The following FMN2 variants were observed in gnomAD, a reference collection of about 807,000 sequenced individuals.
FMN2 encodes the protein formin-2.
FMN2 carries 51 observed loss-of-function variants against 142.3 expected under a neutral mutation model. The ratio of observed to expected loss-of-function variants is 0.36; its 90% CI spans 0.29 to 0.45. The LOEUF is 0.45. Among genes scored for constraint, FMN2 ranks in the 20% least tolerant of loss-of-function variants. FMN2 has a pLI of 1.00. For synonymous variants in FMN2, 882 were observed against 869.8 expected, an observed-to-expected ratio of 1.01 and a Z score of -0.25; for missense variants, 1,936 against 2,122.8, an observed-to-expected ratio of 0.91 and a Z score of 1.73.
At position 240,123,364 on chromosome 1, in the gene FMN2, T is replaced by C. The variant is rs778707218; in HGVS notation, c.1782+19T>C. 6.2e-7 allele frequency: 1 copy of C among 1,606,072 alleles called. No individual in the cohort carries two copies. Among genetic ancestry groups the C allele is most frequent in the Non-Finnish European group, 8.5e-7 (1 of 1,175,060 alleles). ...GTTTGATGTAAGTAGGAGAATTCACTTCTGTCCGTGAGGCAGATTTGCTGT... is the reference window on the plus strand; with the variant it reads ...GTTTGATGTAAGTAGGAGAATTCACCTCTGTCCGTGAGGCAGATTTGCTGT... On this transcript the variant is annotated intron_variant, in intron 2 of 17. Coordinates refer to ENST00000319653, the MANE Select transcript of FMN2 (RefSeq NM_020066.5).
intron 7 of FMN2, among the ~76,000 whole-genome samples, chr1:240,267,067 T>C (rs1402697199): frequency 6.6e-6 from 1 of 151,998 alleles, no homozygotes; most frequent in Admixed American, 6.6e-5. Context: ...TCCTCAAAAG[T>C]AATTGCAGCA....
At chr1:240,306,834 C>T (rs1261140427) in intron 8 of FMN2, among the ~76,000 whole-genome samples, 1 of 152,198 alleles carries the variant, frequency 6.6e-6, no homozygotes, top group African/African-American at 2.4e-5. Flanking sequence ...AACTGCTGTC[C>T]ACAGTGGCTG....
chr1:240,097,719 A>G (rs1661262088), intron 1 of FMN2, among the ~76,000 whole-genome samples: 1 of 152,128 alleles, frequency 6.6e-6, no homozygotes, highest in Non-Finnish European at 1.5e-5. Flanking sequence ...TTTCTGATCA[A>G]TTTGCAATTG....
intron 4 of FMN2, among the ~76,000 whole-genome samples, chr1:240,197,462 G>C (rs982978282): frequency 3.1e-4 from 47 of 152,268 alleles, no homozygotes; most frequent in Admixed American, 2.6e-3. Context: ...GAAGTTCCTA[G>C]AGGCCTGGAC....
chr1:240,130,451 T>C (rs1214970649), intron 2 of FMN2, among the ~76,000 whole-genome samples: 2 of 152,170 alleles, frequency 1.3e-5, no homozygotes, highest in Non-Finnish European at 2.9e-5. Flanking sequence ...TACAGGTGGA[T>C]GCTACCACGC....
intron 16 of FMN2, among the ~76,000 whole-genome samples, chr1:240,466,649 C>T (rs1676627973): frequency 6.6e-6 from 1 of 152,152 alleles, no homozygotes; most frequent in Non-Finnish European, 1.5e-5. Flanking sequence ...ACTTTTTTTA[C>T]CTTGATAAGC....
chr1:240,113,577 A>AG (rs1329435002), intron 1 of FMN2, among the ~76,000 whole-genome samples: 6 of 151,354 alleles, frequency 4.0e-5, no homozygotes, highest in Non-Finnish European at 7.4e-5. Flanking sequence ...AAAAAAAAAA[A>AG]AATAAGGTTG....
chr1:240,219,650 A>ATTTT (rs1558374533), intron 6 of FMN2, among the ~76,000 whole-genome samples: 1 of 151,980 alleles, frequency 6.6e-6, no homozygotes, highest in African/African-American at 2.4e-5. Flanking sequence ...AGGTTTTAAA[A>ATTTT]TTTTTTGTAT....
intron 2 of FMN2, among the ~76,000 whole-genome samples, chr1:240,146,637 G>A (rs1245367526): frequency 1.3e-5 from 2 of 152,072 alleles, no homozygotes; most frequent in African/African-American, 2.4e-5. Context: ...CCAGGAGGTG[G>A]ATGTTGCAGT....
chr1:240,228,026 G>C (rs1163758823), intron 6 of FMN2, among the ~76,000 whole-genome samples: 2 of 151,938 alleles, frequency 1.3e-5, no homozygotes, highest in Non-Finnish European at 2.9e-5. Context: ...GGGCAAGGCC[G>C]AGCGCAGTGA....
rs1455122225 is a variant in FMN2 at position 240,207,125 on chromosome 1, T to C, written c.2313T>C (p.Pro771=). The change falls in exon 5 of 18, where the codon CCT becomes CCC. Residue 771 remains proline, a synonymous_variant. Coordinates refer to ENST00000319653, the MANE Select transcript of FMN2 (RefSeq NM_020066.5). The part of the protein sequence containing the change: ...DGLPGRPPCP[P]GAESGPQTKF... The stretch of plus-strand genomic sequence containing the variant: ...TGCCAGGGCGTCCTCCATGCCCCCC[T>C]GGGGCTGAAAGTGGACCTCAGACAA... The C allele has an allele frequency of 5.6e-6, 9 of 1,614,102 alleles. No individual in the cohort carries two copies. Among genetic ancestry groups the C allele is most frequent in the Non-Finnish European group, 6.8e-6 (8 of 1,179,978 alleles).
intron 16 of FMN2, among the ~76,000 whole-genome samples, chr1:240,447,625 G>A (rs1450620947): frequency 6.6e-6 from 1 of 152,170 alleles, no homozygotes; most frequent in Non-Finnish European, 1.5e-5. Context: ...TATTTTTATG[G>A]CAAAAACTGC....
chr1:240,249,455 A>G (rs1390925423), intron 6 of FMN2, among the ~76,000 whole-genome samples: 2 of 151,870 alleles, frequency 1.3e-5, no homozygotes, highest in African/African-American at 2.4e-5. Context: ...CCATTGGTCT[A>G]TGTGTTTGTT....
chr1:240,188,057 A>G (rs1422846801), intron 3 of FMN2, 150 bp from the exon 4 acceptor site: 3 of 681,012 alleles, frequency 4.4e-6, no homozygotes, highest in Non-Finnish European at 7.4e-6. Context: ...GTCATATCCT[A>G]ATAACCCAGT....
intron 6 of FMN2, among the ~76,000 whole-genome samples, chr1:240,219,798 G>A (rs540554330): frequency 6.6e-6 from 1 of 152,070 alleles, no homozygotes; most frequent in East Asian, 1.9e-4. Context: ...GGGACTCTAG[G>A]TGTGGGCCAC....
intron 6 of FMN2, among the ~76,000 whole-genome samples, chr1:240,228,884 A>G (rs1014390347): frequency 6.6e-6 from 1 of 152,148 alleles, no homozygotes; most frequent in Admixed American, 6.5e-5. Context: ...CATTAATCTC[A>G]GAAGGAGAAA....
chr1:240,418,701 T>A (rs1674665125), intron 15 of FMN2, among the ~76,000 whole-genome samples: 1 of 152,094 alleles, frequency 6.6e-6, no homozygotes, highest in Non-Finnish European at 1.5e-5. Flanking sequence ...GTATACACAG[T>A]GTTCCAGTGT....
rs1245218890 is a variant in FMN2, at chr1:240,159,961, GTA to G, written c.1783-17947_1783-17946del. Among the ~76,000 whole-genome samples the G allele has an allele frequency of 2.0e-3, 254 of 127,646 alleles. 4 individuals are homozygous for G. In the South Asian group the frequency reaches 0.032, roughly 16 times the overall value. The allele number at this position is 127,646 out of a possible 152,430, so 83.7% of individuals were successfully genotyped here. A position where few individuals can be genotyped will look rare whatever the true frequency, so the allele number is the denominator to read the frequency against. On this transcript the variant is annotated intron_variant, in intron 2 of 17. Transcript: ENST00000319653. ...TGTATATATATATATCTATATCTGT[GTA>G]TATATATATATACACACACACACAC...
intron 4 of FMN2, among the ~76,000 whole-genome samples, chr1:240,193,363 C>T (rs1572043864): frequency 6.6e-6 from 1 of 152,158 alleles, no homozygotes; most frequent in Non-Finnish European, 1.5e-5. Context: ...GAAGAACATA[C>T]CTCTTTCACG....
Sources: gnomAD v4.1 joint callset for allele counts (sites outside exome capture counted in the v4.1 genomes callset) on GRCh38, gnomAD v4.1.1 for gene constraint, MANE v1.5 for transcripts, NCBI Gene and HGNC (gene_info 2026-07-23, HGNC 2026-07-21) for gene names.